The following SVEP1 variants were observed in gnomAD, a reference collection of about 807,000 sequenced individuals.
The protein encoded by SVEP1 is sushi, von Willebrand factor type A, EGF and pentraxin domain-containing protein 1.
SVEP1 carries 164 observed loss-of-function variants against 367.3 expected under a neutral mutation model. That is an observed-to-expected ratio of 0.45 (90% CI 0.39 to 0.51). The LOEUF is 0.51. SVEP1 is among the 20% of genes least tolerant of loss of function. SVEP1 has a pLI of 0.00. For missense variants in SVEP1, 4,117 were observed against 4,425.3 expected (o/e 0.93, Z 1.98); for synonymous variants, 1,666 against 1,611.6 (o/e 1.03, Z -0.81).
intron 38 of SVEP1, among the ~76,000 whole-genome samples, chr9:110,405,620 T>C (rs1827942043): frequency 6.6e-6 from 1 of 152,066 alleles, no homozygotes; most frequent in African/African-American, 2.4e-5. Context: ...CTACATGGAC[T>C]CAGATACTAG....
intron 18 of SVEP1, among the ~76,000 whole-genome samples, chr9:110,465,486 C>T (rs1156871439): frequency 6.6e-6 from 1 of 152,118 alleles, no homozygotes; most frequent in African/African-American, 2.4e-5. Flanking sequence ...TCATAATCCA[C>T]AGAATAAAAT....
chr9:110,578,653 C>A (rs1388884850), intron 1 of SVEP1, among the ~76,000 whole-genome samples: 6 of 152,146 alleles, frequency 3.9e-5, no homozygotes, highest in Non-Finnish European at 7.3e-5. Context: ...TATATCACTC[C>A]ATGTCCTACC....
At chr9:110,549,711 G>T in intron 2 of SVEP1, 138 bp downstream of exon 2, 7 of 1,126,180 alleles carry the variant, frequency 6.2e-6, no homozygotes, top group Non-Finnish European at 8.7e-6. Context: ...ATTTCATGAT[G>T]CCCAAAGGAC....
intron 3 of SVEP1, among the ~76,000 whole-genome samples, chr9:110,542,270 A>G (rs1830161232): frequency 6.6e-6 from 1 of 152,054 alleles, no homozygotes; most frequent in Non-Finnish European, 1.5e-5. Flanking sequence ...GGTTCTGCTG[A>G]TGTTTGGGTA....
intron 40 of SVEP1, among the ~76,000 whole-genome samples, chr9:110,392,234 T>G (rs1220251247): frequency 6.6e-6 from 1 of 151,284 alleles, no homozygotes; most frequent in Admixed American, 6.6e-5. Context: ...TCTCTAAACT[T>G]AGGTTCCTTC....
At position 110,379,422 on chromosome 9, in the gene SVEP1, C is replaced by T; in HGVS notation, c.10333G>A (p.Gly3445Arg). The T allele has an allele frequency of 1.2e-6, 2 of 1,613,748 alleles. No individual in the cohort carries two copies. The highest frequency in any genetic ancestry group is 1.7e-6 in the Non-Finnish European group (2 of 1,179,770). ...GDMITYSCYS[G>R]YMLEGFLRSV... is the part of the protein sequence containing the mutation. ...CTCAGGAAACCCTCCAACATGTATCCACTGTAACATGAGTAGGTGATCATG... is the reference window on the plus strand; with the variant it reads ...CTCAGGAAACCCTCCAACATGTATCTACTGTAACATGAGTAGGTGATCATG... The change falls in exon 44 of 48, where the codon GGA becomes AGA. Residue 3445 changes from glycine (G) to arginine (R), a missense_variant. By Grantham distance (125) the Gly-to-Arg change is moderately radical. Around this residue, in one of 4 missense-constraint regions of SVEP1, gnomAD observed 1,765 missense variants for 1,781.1 expected, o/e 0.99. Coordinates refer to ENST00000374469, the MANE Select transcript of SVEP1 (RefSeq NM_153366.4).
intron 3 of SVEP1, among the ~76,000 whole-genome samples, chr9:110,525,824 A>C (rs1020122809): frequency 2.0e-5 from 3 of 152,058 alleles, no homozygotes; most frequent in African/African-American, 7.2e-5. Context: ...CATGTGCAGA[A>C]TGTGCAGGTT....
At position 110,457,306 on chromosome 9, in the gene SVEP1, C is replaced by G; in HGVS notation, c.3623G>C (p.Cys1208Ser). The change falls in exon 21 of 48, where the codon TGC becomes TCC. Residue 1208 changes from cysteine to serine, a missense_variant. Physicochemically the swap from Cys to Ser is moderately radical, Grantham distance 112. Around this residue, in one of 4 missense-constraint regions of SVEP1, gnomAD observed 2,174 missense variants for 2,494.3 expected, o/e 0.87. Transcript: ENST00000374469. ...FFNPCHNSGT[C>S]QQLGRGYVCL... Reference sequence around the variant, plus strand: ...AACATAACCACGCCCAAGTTGCTGGCAGGTTCCACTATTGTGGCAAGGGTT... The same window carrying G: ...AACATAACCACGCCCAAGTTGCTGGGAGGTTCCACTATTGTGGCAAGGGTT... 1 of 1,612,598 alleles carries G rather than the reference C, an allele frequency of 6.2e-7. No homozygotes were observed. The highest frequency in any genetic ancestry group is 1.1e-5 in the South Asian group (1 of 90,744).
At chr9:110,415,867 AAGAAGGGAAGTCG>A (rs1828112944) in intron 36 of SVEP1, among the ~76,000 whole-genome samples, 1 of 152,076 alleles carries the variant, frequency 6.6e-6, no homozygotes, top group Non-Finnish European at 1.5e-5. Context: ...GGATTAGACA[AAGAAGGGAAGTCG>A]AGAGGATAGA....
chr9:110,490,944 T>C (rs1829357485), intron 8 of SVEP1, among the ~76,000 whole-genome samples: 1 of 152,046 alleles, frequency 6.6e-6, no homozygotes, highest in South Asian at 2.1e-4. Flanking sequence ...TTTAAAAATA[T>C]TTCAAATAAG....
At chr9:110,575,938 C>G (rs28446715) in intron 1 of SVEP1, among the ~76,000 whole-genome samples, 5,262 of 152,212 alleles carry the variant, frequency 0.035, 149 homozygotes, top group Middle Eastern at 0.085. Context: ...GACTCCATTT[C>G]TCACTTAGAA....
In SVEP1 at chr9:110,513,037, A is replaced by C. The variant is rs1281369393; in HGVS notation, c.1192T>G (p.Phe398Val). ...CATCGGACCCCACAGGCTGCATTGA[A>C]GTGGTTGTTGCAAGTGTTTTGGATA... Reference protein sequence around the residue: ...YFIQNTCNNHFNAACGVRCHP... With the variant: ...YFIQNTCNNHVNAACGVRCHP... Residue 398 changes from phenylalanine (F) to valine (V), a missense_variant, in exon 5 of 48, where the codon TTC (phenylalanine) becomes GTC (valine). Coordinates refer to ENST00000374469, the MANE Select transcript of SVEP1 (RefSeq NM_153366.4). The C allele has an allele frequency of 6.2e-7, 1 of 1,614,038 alleles. No homozygotes were observed. Among genetic ancestry groups the C allele is most frequent in the Admixed American group, 1.7e-5 (1 of 60,030 alleles).
intron 29 of SVEP1, 25 bp downstream of exon 29, chr9:110,435,216 G>A: frequency 2.5e-6 from 4 of 1,609,808 alleles, no homozygotes; most frequent in Non-Finnish European, 3.4e-6. Flanking sequence ...AGATAGTGGA[G>A]TCTATGAAAG....
chr9:110,447,172 C>T (rs1252861258), intron 24 of SVEP1, 115 bp from the exon 25 acceptor site: 2 of 965,974 alleles, frequency 2.1e-6, no homozygotes, highest in Non-Finnish European at 2.8e-6. Context: ...ATTTTCTACA[C>T]CAAAACAGTG....
At chr9:110,546,378 G>C in intron 2 of SVEP1, 87 bp from the exon 3 acceptor site, 2 of 1,396,152 alleles carry the variant, frequency 1.4e-6, no homozygotes, top group Non-Finnish European at 1.9e-6. Flanking sequence ...AGTGCAAGCT[G>C]GAGAAAATAT....
intron 40 of SVEP1, 141 bp from the exon 41 acceptor site, chr9:110,389,728 A>T (rs1827597437): frequency 2.3e-6 from 2 of 865,794 alleles, no homozygotes; most frequent in Admixed American, 5.9e-5. Context: ...CATTTTTGAA[A>T]GTCTAAATCT....
intron 3 of SVEP1, among the ~76,000 whole-genome samples, chr9:110,530,638 G>A (rs1272953959): frequency 1.3e-5 from 2 of 152,092 alleles, no homozygotes; most frequent in East Asian, 3.9e-4. Flanking sequence ...CTGGGTTCAA[G>A]TGATTCTCCT....
rs754287764 is a variant in SVEP1, at chr9:110,385,918, T to G, written c.10217A>C (p.Gln3406Pro). ...CTTACTTTCACATTTGGCGCTTGTC[T>G]GTGTCCACGTCTCGTCGGGGTTGCA... ...ITCNPDETWT[Q>P]TSAKCEKISC... is the part of the protein sequence containing the mutation. Residue 3406 changes from glutamine (Q) to proline (P), a missense_variant, in exon 43 of 48, where the codon CAG (glutamine) becomes CCG (proline). By Grantham distance (76) the Gln-to-Pro change is moderately conservative (BLOSUM62 -1). Around this residue, in one of 4 missense-constraint regions of SVEP1, gnomAD observed 1,765 missense variants for 1,781.1 expected, o/e 0.99. Transcript: ENST00000374469. The G allele has an allele frequency of 8.1e-6, 13 of 1,613,346 alleles. No individual in the cohort carries two copies. Among genetic ancestry groups the G allele is most frequent in the Non-Finnish European group, 1.1e-5 (13 of 1,179,656 alleles).
At chr9:110,526,849 A>G (rs573196365) in intron 3 of SVEP1, among the ~76,000 whole-genome samples, 6 of 152,286 alleles carry the variant, frequency 3.9e-5, no homozygotes, top group African/African-American at 1.2e-4. Flanking sequence ...AGCAATAAAA[A>G]GAAATGAATT....
Sources: allele counts gnomAD v4.1 joint callset (sites outside exome capture counted in the v4.1 genomes callset), GRCh38; gene constraint gnomAD v4.1.1; regional missense constraint gnomAD v4.1.1; transcripts MANE v1.5; gene names NCBI Gene and HGNC (gene_info 2026-07-23, HGNC 2026-07-21).